ATP8A2: variants seen among roughly 807,000 people sequenced by gnomAD.
ATP8A2 encodes the protein ATPase phospholipid transporting 8A2, also known as phospholipid-transporting ATPase IB.
ATP8A2 carries 100 observed loss-of-function variants against 165.6 expected under a neutral mutation model. That is an observed-to-expected ratio of 0.60 (90% CI 0.51 to 0.71). ATP8A2 has a LOEUF of 0.71. Among genes scored for constraint, ATP8A2 ranks in the 30% least tolerant of loss-of-function variants. The pLI, the probability that ATP8A2 is intolerant of heterozygous loss-of-function variation, is 0.00. For synonymous variants in ATP8A2, 543 were observed against 548.8 expected (o/e 0.99, Z 0.15); for missense variants, 1,227 against 1,479.5 (o/e 0.83, Z 2.80).
intron 24 of ATP8A2, among the ~76,000 whole-genome samples, chr13:25,688,457 G>A (rs1011010311): frequency 2.6e-5 from 4 of 152,126 alleles, no homozygotes; most frequent in South Asian, 4.2e-4. Context: ...TGAGGCCACC[G>A]TGGAAATGAG....
At chr13:25,886,542 G>A (rs1040140249) in intron 33 of ATP8A2, among the ~76,000 whole-genome samples, 1 of 152,226 alleles carries the variant, frequency 6.6e-6, no homozygotes, top group Non-Finnish European at 1.5e-5. Context: ...GGGCTGGAAG[G>A]CAGCTATAAT....
At chr13:25,969,910 G>A (rs1955874829) in intron 35 of ATP8A2, among the ~76,000 whole-genome samples, 1 of 152,056 alleles carries the variant, frequency 6.6e-6, no homozygotes, top group Non-Finnish European at 1.5e-5. Flanking sequence ...CTTGTTCAGG[G>A]CTGTTCTATC....
chr13:25,720,712 G>A (rs910323990), intron 25 of ATP8A2, among the ~76,000 whole-genome samples: 15 of 152,172 alleles, frequency 9.9e-5, no homozygotes, highest in Middle Eastern at 3.4e-3. Context: ...CCTCATCCTC[G>A]TCCCCTTTAA....
intron 35 of ATP8A2, among the ~76,000 whole-genome samples, chr13:25,976,187 C>T (rs975827241): frequency 1.3e-5 from 2 of 152,140 alleles, no homozygotes; most frequent in African/African-American, 4.8e-5. Flanking sequence ...CCTCAGCCTC[C>T]CAAGTAGCTG....
At chr13:25,952,021 T>G (rs564074136) in intron 33 of ATP8A2, among the ~76,000 whole-genome samples, 75 of 152,290 alleles carry the variant, frequency 4.9e-4, no homozygotes, top group African/African-American at 1.7e-3. Flanking sequence ...GGCTTGTTAT[T>G]TAAACATTGG....
At chr13:25,769,287 A>G in intron 26 of ATP8A2, 58 bp downstream of exon 26, 1 of 1,537,926 alleles carries the variant, frequency 6.5e-7, no homozygotes, top group Non-Finnish European at 8.8e-7. Flanking sequence ...GCTGGGCATG[A>G]GGACCTGGCG....
chr13:25,530,734 T>C lies in ATP8A2; in HGVS notation c.420+74T>C, dbSNP rs2038004466. The C allele has an allele frequency of 5.3e-6, 5 of 943,352 alleles. No individual in the cohort carries two copies. The South Asian group carries it at 7.2e-5, about 14-fold the overall frequency. 58.4% of individuals were successfully genotyped at this position (943,352 alleles called of 1,614,324 possible). On this transcript the variant is annotated intron_variant, in intron 4 of 36. Coordinates refer to ENST00000381655, the MANE Select transcript of ATP8A2 (RefSeq NM_016529.6). ...AACTTATGTGTTGCCTCGGGTGATA[T>C]ATTTAAGGCAGGAAATTGGGCTATA...
intron 1 of ATP8A2, among the ~76,000 whole-genome samples, chr13:25,423,276 G>T (rs1434247460): frequency 6.6e-6 from 1 of 152,092 alleles, no homozygotes; most frequent in Non-Finnish European, 1.5e-5. Flanking sequence ...TTCTCTTAAT[G>T]TATCTTTGAT....
intron 10 of ATP8A2, among the ~76,000 whole-genome samples, chr13:25,544,243 C>T (rs556897461): frequency 6.6e-6 from 1 of 152,208 alleles, no homozygotes; most frequent in Non-Finnish European, 1.5e-5. Flanking sequence ...GAGAGAGATA[C>T]TGGAATGTGT....
chr13:25,551,540 A>G, intron 11 of ATP8A2, 37 bp downstream of exon 11: 1 of 1,570,522 alleles, frequency 6.4e-7, no homozygotes. Flanking sequence ...CCAGTGGAAG[A>G]AAACCATTTT....
chr13:25,917,011 A>G (rs578033930), intron 33 of ATP8A2, among the ~76,000 whole-genome samples: 21 of 152,208 alleles, frequency 1.4e-4, no homozygotes, highest in African/African-American at 4.8e-4. Context: ...CATCAGTCCA[A>G]TTGCTCTCAC....
chr13:25,580,125 TTC>T (rs148691574), intron 22 of ATP8A2, among the ~76,000 whole-genome samples, 178 bp downstream of exon 22: 2,204 of 152,344 alleles, frequency 0.014, 21 homozygotes, highest in Non-Finnish European at 0.021. Flanking sequence ...TTCATGGTCT[TTC>T]TGAAAGCTCT....
intron 33 of ATP8A2, among the ~76,000 whole-genome samples, chr13:25,949,338 G>A (rs116185917): frequency 0.026 from 3,952 of 152,282 alleles, 155 homozygotes; most frequent in African/African-American, 0.085. Flanking sequence ...TGAGGTGGCC[G>A]TCCACCCTAT....
intron 25 of ATP8A2, among the ~76,000 whole-genome samples, chr13:25,745,929 A>G (rs2044021636): frequency 6.6e-6 from 1 of 152,224 alleles, no homozygotes; most frequent in Admixed American, 6.5e-5. Flanking sequence ...TGAATGTGAC[A>G]GCATGCTAGG....
Position 25,887,518 on chromosome 13 carries a change from T to C in ATP8A2, c.3183+25110T>C, listed in dbSNP as rs527713576. On this transcript the variant is annotated intron_variant, in intron 33 of 36. Coordinates refer to ENST00000381655, the MANE Select transcript of ATP8A2 (RefSeq NM_016529.6). Reference sequence around the variant, plus strand: ...CATGCCCGGCTAATTTTTGTGTTTTTAGTAGAGACGGGTTTCACCATCTTG... The same window carrying C: ...CATGCCCGGCTAATTTTTGTGTTTTCAGTAGAGACGGGTTTCACCATCTTG... Among the ~76,000 whole-genome samples the C allele has an allele frequency of 2.6e-4, 40 of 152,294 alleles. No individual in the cohort carries two copies. The South Asian group carries it at 7.9e-3, about 30-fold the overall frequency.
At chr13:25,786,622 T>G (rs914775422) in intron 27 of ATP8A2, among the ~76,000 whole-genome samples, 1 of 152,230 alleles carries the variant, frequency 6.6e-6, no homozygotes, top group Middle Eastern at 3.2e-3. Context: ...TTTACTTCCC[T>G]GTTAGTTCCA....
chr13:25,995,461 A>G (rs1956478648), intron 35 of ATP8A2, among the ~76,000 whole-genome samples: 1 of 151,564 alleles, frequency 6.6e-6, no homozygotes, highest in African/African-American at 2.4e-5. Context: ...CCCTCACAGC[A>G]CTGTTTTAAC....
In ATP8A2 at chr13:25,842,895, A is replaced by G. The variant is rs77167643; in HGVS notation, c.2956+3271A>G. Among the ~76,000 whole-genome samples the G allele has an allele frequency of 3.3e-3, 508 of 152,298 alleles. 1 individual carries two copies. The highest frequency in any genetic ancestry group is 0.011 in the African/African-American group (477 of 41,570). Reference sequence around the variant, plus strand: ...GGCAATTTGGGAAAATAAACCTGTCATGTCTTGTAAGGTGAGCGGTAGAAA... The same window carrying G: ...GGCAATTTGGGAAAATAAACCTGTCGTGTCTTGTAAGGTGAGCGGTAGAAA... On this transcript the variant is annotated intron_variant, in intron 30 of 36. Coordinates refer to ENST00000381655, the MANE Select transcript of ATP8A2 (RefSeq NM_016529.6).
At chr13:25,977,630 C>CTGTTGT (rs370018492) in intron 35 of ATP8A2, among the ~76,000 whole-genome samples, 7 of 152,118 alleles carry the variant, frequency 4.6e-5, no homozygotes, top group East Asian at 1.9e-4. Flanking sequence ...TTCCAAGAGC[C>CTGTTGT]TGTTGTTGTT....
Sources: allele counts gnomAD v4.1 joint callset (sites outside exome capture counted in the v4.1 genomes callset), GRCh38; gene constraint gnomAD v4.1.1; transcripts MANE v1.5; gene names NCBI Gene and HGNC (gene_info 2026-07-23, HGNC 2026-07-21).